The following NLGN1 variants were observed in gnomAD, a reference collection of about 807,000 sequenced individuals.
NLGN1 encodes the protein neuroligin-1.
NLGN1 carries 12 observed loss-of-function variants against 65.5 expected under a neutral mutation model. The observed-to-expected ratio is 0.18, with a 90% CI of 0.12 to 0.30. NLGN1 has a LOEUF of 0.30. Ranked by LOEUF, NLGN1 falls within the 10% of genes least tolerant of loss-of-function variation. The pLI is 1.00. For synonymous variants in NLGN1, 350 were observed against 359.5 expected (o/e 0.97, Z 0.30); for missense variants, 750 against 1,007.1 (o/e 0.74, Z 3.46).
At chr3:173,603,113 C>G (rs1321845299) in intron 2 of NLGN1, among the ~76,000 whole-genome samples, 3 of 152,126 alleles carry the variant, frequency 2.0e-5, no homozygotes, top group African/African-American at 7.2e-5. Flanking sequence ...AGGGCAGTCT[C>G]ACTGCCAGAC....
At chr3:173,411,498 G>A (rs1001930707) in intron 1 of NLGN1, among the ~76,000 whole-genome samples, 1 of 152,132 alleles carries the variant, frequency 6.6e-6, no homozygotes, top group African/African-American at 2.4e-5. Context: ...CTGGGCTGGT[G>A]ACTGATGGCC....
chr3:173,915,314 C>T (rs1740512918), intron 4 of NLGN1, among the ~76,000 whole-genome samples: 1 of 152,148 alleles, frequency 6.6e-6, no homozygotes, highest in African/African-American at 2.4e-5. Flanking sequence ...GTAACCAGCC[C>T]CTTTGCATAT....
chr3:173,861,515 CGTGTGTGTGTGTGTGTGTGTGTGTGT>C (rs145812733), intron 4 of NLGN1, among the ~76,000 whole-genome samples: 2 of 141,422 alleles, frequency 1.4e-5, no homozygotes, highest in African/African-American at 2.6e-5. Context: ...GTAGCTGGCA[CGTGTGTGTGTGTGTGTGTGTGTGTGT>C]GTGTGTGTGT....
At chr3:173,692,125 A>G (rs1765559166) in intron 3 of NLGN1, among the ~76,000 whole-genome samples, 1 of 152,132 alleles carries the variant, frequency 6.6e-6, no homozygotes, top group Non-Finnish European at 1.5e-5. Context: ...ATATAGCATC[A>G]TTATAATTCT....
intron 3 of NLGN1, among the ~76,000 whole-genome samples, chr3:173,766,339 T>G (rs1778792204): frequency 6.6e-6 from 1 of 152,154 alleles, no homozygotes; most frequent in Non-Finnish European, 1.5e-5. Flanking sequence ...TCTGCCCACC[T>G]ACGCCTCCCA....
chr3:173,567,271 GA>G (rs1338573023), intron 2 of NLGN1, among the ~76,000 whole-genome samples: 1 of 151,984 alleles, frequency 6.6e-6, no homozygotes, highest in Non-Finnish European at 1.5e-5. Context: ...CCAAGTTCAA[GA>G]ACCCTCATTT....
chr3:174,094,338 T>C (rs2152567042), intron 4 of NLGN1, among the ~76,000 whole-genome samples: 1 of 152,336 alleles, frequency 6.6e-6, no homozygotes, highest in East Asian at 1.9e-4. Context: ...TTATCTTATA[T>C]AGAGACTTGT....
chr3:173,459,122 ATC>A (rs1722961256), intron 2 of NLGN1, among the ~76,000 whole-genome samples: 1 of 152,108 alleles, frequency 6.6e-6, no homozygotes, highest in Non-Finnish European at 1.5e-5. Flanking sequence ...CTCATAGCCC[ATC>A]TCTTCCTCTA....
At chr3:173,794,603 G>A (rs945998654) in intron 3 of NLGN1, among the ~76,000 whole-genome samples, 2 of 152,116 alleles carry the variant, frequency 1.3e-5, no homozygotes, top group African/African-American at 4.8e-5. Flanking sequence ...GTATACAGAA[G>A]CATTTCTCCA....
chr3:173,398,476 A>G (rs1326884338), exon 1 of NLGN1: 1 of 152,214 alleles, frequency 6.6e-6, no homozygotes, highest in African/African-American at 2.4e-5. Context: ...GCCCGCCTCA[A>G]CACAATGCCT....
Position 173,981,891 on chromosome 3 carries a change from G to A in NLGN1, c.646+174059G>A, listed in dbSNP as rs532359364. 1.1e-4 allele frequency among the ~76,000 whole-genome samples: 17 copies of A among 152,012 alleles called. 1 individual carries two copies. The highest frequency in any genetic ancestry group is 5.2e-4 in the Admixed American group (8 of 15,246). ...ATATGTGTATGAGTGTTATAATCTA[G>A]CAATCAACTTCCAAGCTGCTTTCTT... On this transcript the variant is annotated intron_variant, in intron 4 of 6. Coordinates refer to ENST00000457714, the Ensembl canonical transcript of NLGN1.
chr3:173,815,449 C>T (rs1406435780), intron 4 of NLGN1, among the ~76,000 whole-genome samples: 1 of 152,070 alleles, frequency 6.6e-6, no homozygotes, highest in Non-Finnish European at 1.5e-5. Context: ...TCAAGATTCC[C>T]AAAGACCTCT....
chr3:174,233,576 C>T (rs185172489), intron 4 of NLGN1, among the ~76,000 whole-genome samples: 2 of 152,074 alleles, frequency 1.3e-5, no homozygotes, highest in African/African-American at 2.4e-5. Context: ...CTATATGTGT[C>T]ATACAATTTG....
chr3:174,033,410 A>C (rs1016916284), intron 4 of NLGN1, among the ~76,000 whole-genome samples: 5 of 152,190 alleles, frequency 3.3e-5, no homozygotes, highest in Admixed American at 6.5e-5. Context: ...TTTGGCTTTC[A>C]AGGAAAACTT....
At position 174,053,032 on chromosome 3, in the gene NLGN1, G is replaced by A. The variant is rs114362186; in HGVS notation, c.647-222283G>A. On this transcript the variant is annotated intron_variant, in intron 4 of 6. Coordinates refer to ENST00000457714, the Ensembl canonical transcript of NLGN1. ...TTATTTGCACTCCATTCTTATCCTCGTACTATCCCAAAGCACATGTGTAGG... is the reference window on the plus strand; with the variant it reads ...TTATTTGCACTCCATTCTTATCCTCATACTATCCCAAAGCACATGTGTAGG... 6.3e-3 allele frequency among the ~76,000 whole-genome samples: 962 copies of A among 151,966 alleles called. 23 individuals are homozygous for A. Among genetic ancestry groups the A allele is most frequent in the East Asian group, 0.039 (202 of 5,162 alleles).
At chr3:173,670,472 T>C (rs1185435138) in intron 3 of NLGN1, among the ~76,000 whole-genome samples, 1 of 152,150 alleles carries the variant, frequency 6.6e-6, no homozygotes, top group Non-Finnish European at 1.5e-5. Context: ...TTGAGTGTGA[T>C]GAGATGAGAA....
intron 4 of NLGN1, among the ~76,000 whole-genome samples, chr3:174,065,877 G>A (rs1168028834): frequency 6.6e-6 from 1 of 152,066 alleles, no homozygotes; most frequent in African/African-American, 2.4e-5. Flanking sequence ...TAGCCGGCAA[G>A]AAACGAGACC....
chr3:173,539,604 GTA>G (rs201298253), intron 2 of NLGN1, among the ~76,000 whole-genome samples: 3 of 96,742 alleles, frequency 3.1e-5, no homozygotes, highest in Non-Finnish European at 4.2e-5. Flanking sequence ...TATAATATAT[GTA>G]TGTTATATAT....
chr3:173,943,293 CT>C (rs1456507374), intron 4 of NLGN1, among the ~76,000 whole-genome samples: 1 of 151,932 alleles, frequency 6.6e-6, no homozygotes, highest in East Asian at 1.9e-4. Flanking sequence ...ATATTAATTA[CT>C]TTTTAAATAG....
Sources: allele counts gnomAD v4.1 joint callset (sites outside exome capture counted in the v4.1 genomes callset), GRCh38; gene constraint gnomAD v4.1.1; transcripts MANE v1.5; gene names NCBI Gene and HGNC (gene_info 2026-07-23, HGNC 2026-07-21).